PANX3: variants seen among roughly 807,000 people sequenced by gnomAD.
The protein encoded by PANX3 is pannexin 3, also known as pannexin-3.
PANX3 carries 18 observed loss-of-function variants against 31.5 expected under a neutral mutation model. That is an observed-to-expected ratio of 0.57 (90% CI 0.39 to 0.85). The LOEUF (loss-of-function observed/expected upper bound fraction) is 0.85. PANX3 is among the 40% of genes least tolerant of loss of function. The pLI is 0.00. For synonymous variants in PANX3, 194 were observed against 201.6 expected, an observed-to-expected ratio of 0.96 and a Z score of 0.32; for missense variants, 426 against 485.4, an observed-to-expected ratio of 0.88 and a Z score of 1.15.
chr11:124,619,362 A>G lies in PANX3; in HGVS notation c.606A>G (p.Ser202=), dbSNP rs145626993. 8 of 1,614,032 alleles carry G rather than the reference A, an allele frequency of 5.0e-6. No individual in the cohort carries two copies. In the African/African-American group the frequency reaches 9.3e-5, roughly 19 times the overall value. ...LERYLACKQR[S]HSLVATYLLR... Reference sequence around the variant, plus strand: ...GGTACCTGGCATGTAAGCAGCGTTCACATTCGCTAGTGGCTACCTACCTCC... The same window carrying G: ...GGTACCTGGCATGTAAGCAGCGTTCGCATTCGCTAGTGGCTACCTACCTCC... The change falls in exon 4 of 4, where the codon TCA becomes TCG. Residue 202 remains serine, a synonymous_variant. Transcript: ENST00000284288.
In PANX3 at chr11:124,619,763, A is replaced by C. The variant is rs1205416669; in HGVS notation, c.1007A>C (p.Asn336Thr). 2 of 1,614,172 alleles carry C rather than the reference A, an allele frequency of 1.2e-6. No homozygotes were observed. Among genetic ancestry groups the C allele is most frequent in the East Asian group, 2.2e-5 (1 of 44,892 alleles). The stretch of plus-strand genomic sequence containing the variant: ...GTGATCCTTCTTTTCCTCCGAGCTA[A>C]CATCTCTGAGCTCATCTCTTTTAGC... Reference protein sequence around the residue: ...LNVILLFLRANISELISFSWL... With the variant: ...LNVILLFLRATISELISFSWL... Residue 336 changes from asparagine to threonine, a missense_variant, in exon 4 of 4, where the codon AAC (asparagine) becomes ACC (threonine). Transcript: ENST00000284288.
Position 124,619,902 on chromosome 11 carries a change from C to T in PANX3, c.1146C>T (p.His382=), listed in dbSNP as rs1170160162. 3.1e-6 allele frequency: 5 copies of T among 1,611,040 alleles called. No individual in the cohort carries two copies. The highest frequency in any genetic ancestry group is 3.4e-6 in the Non-Finnish European group (4 of 1,178,904). The change falls in exon 4 of 4, where the codon CAC becomes CAT. Residue 382 remains histidine, a synonymous_variant. Transcript: ENST00000284288. The stretch of plus-strand genomic sequence containing the variant: ...GCTTAGAACCCTCAAAACCCAAACA[C>T]CTCACCAACTCGGCATGTGATGAAC... ...LAGLEPSKPK[H]LTNSACDEHP
At position 124,613,059 on chromosome 11, in the gene PANX3, A is replaced by G. The variant is rs1373521325; in HGVS notation, c.261A>G (p.Ser87=). 5.0e-6 allele frequency: 8 copies of G among 1,614,020 alleles called. No individual in the cohort carries two copies. Among genetic ancestry groups the G allele is most frequent in the Non-Finnish European group, 6.8e-6 (8 of 1,180,038 alleles). Residue 87 remains serine, a synonymous_variant, in exon 2 of 4, where the codon TCA becomes TCG. Transcript: ENST00000284288. ...AAYVDSSCWD[S]LLHHKQDGPG... ...ACGTGGACAGCTCCTGCTGGGACTC[A>G]CTGCTTCACCATAAGCAGGACGGGC...
At chr11:124,615,069 C>T (rs1159991405) in intron 2 of PANX3, among the ~76,000 whole-genome samples, 1 of 151,906 alleles carries the variant, frequency 6.6e-6, no homozygotes, top group Non-Finnish European at 1.5e-5. Flanking sequence ...ATTCAGAAAA[C>T]ACAAACACAC....
At position 124,616,001 on chromosome 11, in the gene PANX3, G is replaced by C. The variant is rs1591368531; in HGVS notation, c.325-1273G>C. 6.6e-6 allele frequency among the ~76,000 whole-genome samples: 1 copy of C among 152,092 alleles called. No homozygotes were observed. Among genetic ancestry groups the C allele is most frequent in the Admixed American group, 6.6e-5 (1 of 15,258 alleles). On this transcript the variant is annotated intron_variant, in intron 2 of 3. Coordinates refer to ENST00000284288, the MANE Select transcript of PANX3 (RefSeq NM_052959.3). This position sits in a 1 kb window ranked among gnomAD's most constrained non-coding sequence, Gnocchi z 4.8. ...GGCACTCCAGCCTGGGCAAGAGAGCGAGACTCAATCTCAATAAATAAATAA... is the reference window on the plus strand; with the variant it reads ...GGCACTCCAGCCTGGGCAAGAGAGCCAGACTCAATCTCAATAAATAAATAA...
In PANX3 at chr11:124,616,102, T is replaced by TAA. The variant is rs1351576691; in HGVS notation, c.325-1171_325-1170dup. The stretch of plus-strand genomic sequence containing the variant: ...GTTGGCCCAACCCTGCTAGGTGTGG[T>TAA]AAGTATGATGAGGAAACCTGAAGAA... On this transcript the variant is annotated intron_variant, in intron 2 of 3. Coordinates refer to ENST00000284288, the MANE Select transcript of PANX3 (RefSeq NM_052959.3). The surrounding 1 kb of genome is among the most constrained non-coding windows in gnomAD (Gnocchi z 4.8). 5.3e-5 allele frequency among the ~76,000 whole-genome samples: 8 copies of TAA among 152,148 alleles called. No individual in the cohort carries two copies. The highest frequency in any genetic ancestry group is 5.2e-4 in the Admixed American group (8 of 15,276).
Position 124,611,610 on chromosome 11 carries a change from TGAC to T in PANX3, c.55_57del (p.Asp19del). On this transcript the variant is annotated inframe_deletion, in exon 1 of 4. Transcript: ENST00000284288. ...ACATGCTCTCAGATGCCCTGCTGCC[TGAC>T]CGCAGGGGACCCCGCCTCAAAGGAC... The T allele has an allele frequency of 2.5e-6, 4 of 1,614,144 alleles. No individual in the cohort carries two copies. The highest frequency in any genetic ancestry group is 3.4e-6 in the Non-Finnish European group (4 of 1,179,984).
At chr11:124,617,659 C>T (rs992913502) in intron 3 of PANX3, among the ~76,000 whole-genome samples, 171 bp downstream of exon 3, 1 of 152,196 alleles carries the variant, frequency 6.6e-6, no homozygotes, top group African/African-American at 2.4e-5. Flanking sequence ...AGAGAAAGGA[C>T]TCTTCCTCTA....
chr11:124,617,165 C>A, intron 2 of PANX3, 109 bp from the exon 3 acceptor site: 1 of 925,688 alleles, frequency 1.1e-6, no homozygotes, highest in Non-Finnish European at 1.6e-6. Context: ...CCCCAAACAG[C>A]CTTCCCCTGC....
chr11:124,619,326 TTTGC>T lies in PANX3; in HGVS notation c.572_575del (p.Leu191Ter), dbSNP rs775607093. 1.9e-6 allele frequency: 3 copies of T among 1,613,916 alleles called. No homozygotes were observed. In the South Asian group the frequency reaches 3.3e-5, roughly 18 times the overall value. The stretch of plus-strand genomic sequence containing the variant: ...GGAAAGAACGATACTTTGAATTCCC[TTTGC>T]TAGAGCGGTACCTGGCATGTAAGCA... On this transcript the variant is annotated frameshift_variant, in exon 4 of 4. Transcript: ENST00000284288. LOFTEE classifies it high-confidence loss of function.
rs773743744 is a variant in PANX3 at position 124,619,547 on chromosome 11, C to T, written c.791C>T (p.Thr264Ile). The T allele has an allele frequency of 6.2e-6, 10 of 1,614,212 alleles. No homozygotes were observed. The highest frequency in any genetic ancestry group is 8.5e-6 in the Non-Finnish European group (10 of 1,180,050). The change falls in exon 4 of 4, where the codon ACA (threonine) becomes ATA (isoleucine). Residue 264 changes from threonine to isoleucine, a missense_variant. Coordinates refer to ENST00000284288, the MANE Select transcript of PANX3 (RefSeq NM_052959.3). ...HVPNLITCRLTSLSIFQIVSL... is the reference protein window; with the variant it reads ...HVPNLITCRLISLSIFQIVSL... ...CCCAATCTGATCACATGCAGGCTGACATCACTGTCCATTTTCCAGATTGTT... is the reference window on the plus strand; with the variant it reads ...CCCAATCTGATCACATGCAGGCTGATATCACTGTCCATTTTCCAGATTGTT...
At chr11:124,618,556 T>C (rs899921861) in intron 3 of PANX3, among the ~76,000 whole-genome samples, 30 of 152,164 alleles carry the variant, frequency 2.0e-4, no homozygotes, top group African/African-American at 7.2e-4. Context: ...GACAAACATT[T>C]GTGAGCCAAA....
rs1467997199 is a variant in PANX3 at position 124,617,275 on chromosome 11, C to T, written c.326C>T (p.Ala109Val). ...DKMKSLWPHKALPYSLLALAL... is the reference protein window; with the variant it reads ...DKMKSLWPHKVLPYSLLALAL... ...TCCTCAGCTGCTCTCGCCCTGCAGG[C>T]CCTCCCCTACTCCCTGCTGGCCCTG... Residue 109 changes from alanine to valine, a missense_variant and splice_region_variant, in exon 3 of 4, where the codon GCC becomes GTC. Ala to Val is a moderately conservative substitution (Grantham distance 64). Transcript: ENST00000284288. The T allele has an allele frequency of 6.2e-7, 1 of 1,603,236 alleles. No individual in the cohort carries two copies. Among genetic ancestry groups the T allele is most frequent in the Non-Finnish European group, 8.5e-7 (1 of 1,179,602 alleles).
chr11:124,612,930 C>T (rs1032182024), intron 1 of PANX3, 50 bp from the exon 2 acceptor site: 34 of 1,601,540 alleles, frequency 2.1e-5, no homozygotes, highest in Non-Finnish European at 2.7e-5. Context: ...CCTGAGTCCC[C>T]ACTCCTCCAC....
rs145076794 is a variant in PANX3, at chr11:124,611,615, G to A, written c.59G>A (p.Arg20His). Reference protein sequence around the residue: ...YMLSDALLPDRRGPRLKGLRL... With the variant: ...YMLSDALLPDHRGPRLKGLRL... ...CTCTCAGATGCCCTGCTGCCTGACCGCAGGGGACCCCGCCTCAAAGGACTG... is the reference window on the plus strand; with the variant it reads ...CTCTCAGATGCCCTGCTGCCTGACCACAGGGGACCCCGCCTCAAAGGACTG... The change falls in exon 1 of 4, where the codon CGC becomes CAC. Residue 20 changes from arginine (R) to histidine (H), a missense_variant. Transcript: ENST00000284288. 1.4e-5 allele frequency: 22 copies of A among 1,613,966 alleles called. No homozygotes were observed. Among genetic ancestry groups the A allele is most frequent in the African/African-American group, 1.2e-4 (9 of 74,926 alleles).
At chr11:124,617,671 T>C (rs1863169898) in intron 3 of PANX3, among the ~76,000 whole-genome samples, 183 bp downstream of exon 3, 1 of 152,230 alleles carries the variant, frequency 6.6e-6, no homozygotes. Context: ...CTTCCTCTAG[T>C]GTACAGATGA....
intron 2 of PANX3, among the ~76,000 whole-genome samples, chr11:124,614,670 CTT>C (rs138365917): frequency 3.1e-3 from 298 of 95,312 alleles, no homozygotes; most frequent in African/African-American, 0.011. Flanking sequence ...AACGCCCTTT[CTT>C]TTTTTTTTTT....
rs187147069 is a variant in PANX3, at chr11:124,617,464, A to G, written c.515A>G (p.Tyr172Cys). ...LKIRQKSSDP[Y>C]VFWNELEKAR... is the part of the protein sequence containing the mutation. ...ATCCGGCAGAAGAGTTCCGACCCCT[A>G]TGTGTTCTGGAATGAGCTGGAGAAG... The change falls in exon 3 of 4, where the codon TAT (tyrosine) becomes TGT (cysteine). Residue 172 changes from tyrosine to cysteine, a missense_variant. Coordinates refer to ENST00000284288, the MANE Select transcript of PANX3 (RefSeq NM_052959.3). 81 of 1,614,150 alleles carry G rather than the reference A, an allele frequency of 5.0e-5. No homozygotes were observed. Among genetic ancestry groups the G allele is most frequent in the Admixed American group, 1.0e-4 (6 of 60,032 alleles).
rs957495601 is a variant in PANX3 at position 124,614,183 on chromosome 11, A to G, written c.324+1061A>G. Among the ~76,000 whole-genome samples the G allele has an allele frequency of 1.9e-4, 29 of 150,678 alleles. 1 individual carries two copies. The highest frequency in any genetic ancestry group is 7.7e-4 in the East Asian group (4 of 5,180). Reference sequence around the variant, plus strand: ...TCTAAATGGTAAAAAAAAAAAAAAAAAAAAAAAAGAAAAATAAATTCTGTG... The same window carrying G: ...TCTAAATGGTAAAAAAAAAAAAAAAGAAAAAAAAGAAAAATAAATTCTGTG... On this transcript the variant is annotated intron_variant, in intron 2 of 3. Coordinates refer to ENST00000284288, the MANE Select transcript of PANX3 (RefSeq NM_052959.3).
Sources: allele counts gnomAD v4.1 joint callset (sites outside exome capture counted in the v4.1 genomes callset), GRCh38; gene constraint gnomAD v4.1.1; non-coding constraint Gnocchi (gnomAD v3.1); transcripts MANE v1.5; gene names NCBI Gene and HGNC (gene_info 2026-07-23, HGNC 2026-07-21).